The following SLC35F5 variants were observed in gnomAD, a reference collection of about 807,000 sequenced individuals.
The protein encoded by SLC35F5 is HCV NS5A-transactivated protein 3.
In SLC35F5, 54 loss-of-function variants were observed where a neutral mutation model predicts 68.6. The ratio of observed to expected loss-of-function variants is 0.79; its 90% CI spans 0.63 to 0.99. The LOEUF is 0.99. Among genes scored for constraint, SLC35F5 ranks in the 50% least tolerant of loss-of-function variants. The pLI is 0.00. For missense variants in SLC35F5, 567 were observed against 626.9 expected (o/e 0.90, Z 1.02); for synonymous variants, 211 against 205.2 (o/e 1.03, Z -0.24).
rs761464440 is a variant in SLC35F5, at chr2:113,736,442, C to CAA, written c.751-586_751-585dup. Among the ~76,000 whole-genome samples, 1,043 of 146,872 alleles carry CAA rather than the reference C, an allele frequency of 7.1e-3. 13 individuals are homozygous for CAA. The highest frequency in any genetic ancestry group is 0.022 in the African/African-American group (869 of 39,982). ...CCTAGGTGACAGAGAGACCATTTCT[C>CAA]AAAAAATAAAAAAATCGCTTTATCT... is the stretch of plus-strand genomic sequence containing the variant. On this transcript the variant is annotated intron_variant, in intron 7 of 15. Coordinates refer to ENST00000245680, the MANE Select transcript of SLC35F5 (RefSeq NM_025181.5).
Position 113,713,237 on chromosome 2 carries a change from CAG to C in SLC35F5, c.*1979_*1980del, listed in dbSNP as rs1687055367. 1 of 152,102 alleles carries C rather than the reference CAG, an allele frequency of 6.6e-6. No individual in the cohort carries two copies. Among genetic ancestry groups the C allele is most frequent in the African/African-American group, 2.4e-5 (1 of 41,418 alleles). 9.4% of individuals were successfully genotyped at this position (152,102 alleles called of 1,614,324 possible). On this transcript the variant is annotated 3_prime_UTR_variant, in exon 16 of 16. Coordinates refer to ENST00000245680, the MANE Select transcript of SLC35F5 (RefSeq NM_025181.5). The stretch of plus-strand genomic sequence containing the variant: ...TCATTGATTTTTGTTTTTTAAGAAA[CAG>C]AAAAGCAGCAGTATAATGAAAGAAG...
At position 113,756,603 on chromosome 2, in the gene SLC35F5, G is replaced by A; in HGVS notation, c.-194C>T. The A allele has an allele frequency of 7.2e-7, 1 of 1,390,926 alleles. No individual in the cohort carries two copies. The highest frequency in any genetic ancestry group is 1.5e-5 in the South Asian group (1 of 66,252). 86.2% of individuals were successfully genotyped at this position (1,390,926 alleles called of 1,614,324 possible). A position where few individuals can be genotyped will look rare whatever the true frequency, so the allele number is the denominator to read the frequency against. On this transcript the variant is annotated 5_prime_UTR_variant, in exon 1 of 16. Coordinates refer to ENST00000245680, the MANE Select transcript of SLC35F5 (RefSeq NM_025181.5). The stretch of plus-strand genomic sequence containing the variant: ...GGGCGTGGAGCGGGTGAGGGGAAGG[G>A]ACGGCACAGTCAGCTATGGCCGCGG...
At position 113,725,505 on chromosome 2, in the gene SLC35F5, A is replaced by T; in HGVS notation, c.1123T>A (p.Trp375Arg). 6.3e-7 allele frequency: 1 copy of T among 1,598,026 alleles called. No homozygotes were observed. Among genetic ancestry groups the T allele is most frequent in the Admixed American group, 1.8e-5 (1 of 54,358 alleles). Residue 375 changes from tryptophan to arginine, a missense_variant, in exon 12 of 16, where the codon TGG becomes AGG. By Grantham distance (101) the Trp-to-Arg change is moderately radical (BLOSUM62 -3). Transcript: ENST00000245680. ...FVGLFNLLLL[W>R]PGFFLLHYTG... ...TAATGAAGTAAAAAGAAACCTGGCC[A>T]TAAGAGCAGCAGATTAAACAAACCT... is the stretch of plus-strand genomic sequence containing the variant.
rs755936736 is a variant in SLC35F5, at chr2:113,755,300, T to C, written c.138A>G (p.Gln46=). The C allele has an allele frequency of 6.2e-6, 10 of 1,613,958 alleles. No individual in the cohort carries two copies. The highest frequency in any genetic ancestry group is 6.8e-6 in the Non-Finnish European group (8 of 1,179,884). The change falls in exon 3 of 16, where the codon CAA becomes CAG. Residue 46 remains glutamine, a synonymous_variant. Coordinates refer to ENST00000245680, the MANE Select transcript of SLC35F5 (RefSeq NM_025181.5). Reference sequence around the variant, plus strand: ...GGTTCATGACAAATACACACACCATTTGCAGTCTGTTTTTTAGAAAATACA... The same window carrying C: ...GGTTCATGACAAATACACACACCATCTGCAGTCTGTTTTTTAGAAAATACA... The part of the protein sequence containing the change: ...DLRRALKTRL[Q]MVCVFVMNRM...
At chr2:113,754,548 G>C (rs13389454) in intron 3 of SLC35F5, among the ~76,000 whole-genome samples, 38,567 of 151,960 alleles carry the variant, frequency 0.25, 5,134 homozygotes, top group Non-Finnish European at 0.27. Flanking sequence ...TATACAAGTA[G>C]AAAGAAAAAC....
rs1170600647 is a variant in SLC35F5 at position 113,707,804 on chromosome 2, A to G, written c.*7414T>C. Among the ~76,000 whole-genome samples the G allele has an allele frequency of 1.3e-5, 2 of 151,894 alleles. No individual in the cohort carries two copies. Among genetic ancestry groups the G allele is most frequent in the East Asian group, 3.9e-4 (2 of 5,170 alleles). ...TTGAACTCCTAATCTCAGGTGATCC[A>G]CCCGCCTCGGACTCCCAAAGTGCTG... is the stretch of plus-strand genomic sequence containing the variant. On this transcript the variant is annotated 3_prime_UTR_variant, in exon 16 of 16. Coordinates refer to ENST00000245680, the MANE Select transcript of SLC35F5 (RefSeq NM_025181.5).
At chr2:113,719,534 G>C (rs1221393785) in intron 13 of SLC35F5, 4 of 365,486 alleles carry the variant, frequency 1.1e-5, no homozygotes, top group African/African-American at 8.5e-5. Flanking sequence ...TTCTTGCTTG[G>C]AAAATAGGCT....
chr2:113,750,705 GTAT>G, intron 3 of SLC35F5, 137 bp from the exon 4 acceptor site: 1 of 707,956 alleles, frequency 1.4e-6, no homozygotes, highest in East Asian at 3.1e-5. Context: ...GATTACAAAA[GTAT>G]TTTAGATCCA....
rs979927140 is a variant in SLC35F5, at chr2:113,709,279, G to A, written c.*5939C>T. On this transcript the variant is annotated 3_prime_UTR_variant, in exon 16 of 16. Transcript: ENST00000245680. ...ACTACAAAACTACGGCCTATGTGGT[G>A]TCACTGTTATTACCACTCTTTACAA... 6.6e-6 allele frequency among the ~76,000 whole-genome samples: 1 copy of A among 152,138 alleles called. No individual in the cohort carries two copies. The highest frequency in any genetic ancestry group is 2.4e-5 in the African/African-American group (1 of 41,400).
At chr2:113,743,612 G>T in intron 6 of SLC35F5, 101 bp downstream of exon 6, 1 of 820,214 alleles carries the variant, frequency 1.2e-6, no homozygotes, top group South Asian at 1.9e-5. Flanking sequence ...AGACCACATG[G>T]AGCAGAACTG....
intron 11 of SLC35F5, 152 bp from the exon 12 acceptor site, chr2:113,725,689 T>C: frequency 1.6e-6 from 1 of 615,672 alleles, no homozygotes. Flanking sequence ...AAGTCAGTCC[T>C]GTGAATAGCT....
chr2:113,727,588 C>T (rs954585673), intron 11 of SLC35F5, among the ~76,000 whole-genome samples: 1 of 152,116 alleles, frequency 6.6e-6, no homozygotes, highest in Non-Finnish European at 1.5e-5. Flanking sequence ...CAGAATCTGG[C>T]GCCACATGCC....
chr2:113,756,326 G>A, intron 1 of SLC35F5, 44 bp downstream of exon 1: 2 of 1,556,658 alleles, frequency 1.3e-6, no homozygotes, highest in Admixed American at 1.9e-5. Context: ...ACTCCGTCCC[G>A]GTTTGGGCTC....
chr2:113,719,232 T>G lies in SLC35F5; in HGVS notation c.1418A>C (p.His473Pro). The change falls in exon 14 of 16, where the codon CAT becomes CCT. Residue 473 changes from histidine (H) to proline (P), a missense_variant. His to Pro is a moderately conservative substitution (Grantham distance 77). Coordinates refer to ENST00000245680, the MANE Select transcript of SLC35F5 (RefSeq NM_025181.5). ...FSFFIVTLLC[H>P]YNNWDPVMVG... ...CATCACAGGATCCCAATTATTATAA[T>G]GGCATAGGAGAGTTACAATAAAAAA... 6.2e-7 allele frequency: 1 copy of G among 1,606,950 alleles called. No individual in the cohort carries two copies. The highest frequency in any genetic ancestry group is 1.1e-5 in the South Asian group (1 of 89,900).
At chr2:113,717,170 C>T (rs1348420538) in intron 15 of SLC35F5, among the ~76,000 whole-genome samples, 1 of 151,942 alleles carries the variant, frequency 6.6e-6, no homozygotes, top group Non-Finnish European at 1.5e-5. Context: ...ACTCTATCAT[C>T]GAAGACATAT....
chr2:113,704,860 A>G (rs922873454), downstream of SLC35F5, among the ~76,000 whole-genome samples: 15 of 152,104 alleles, frequency 9.9e-5, no homozygotes, highest in Non-Finnish European at 1.9e-4. Flanking sequence ...CCCACAGTGC[A>G]GCGGCGGGCT....
chr2:113,716,802 A>C (rs555244052), intron 15 of SLC35F5, among the ~76,000 whole-genome samples: 250 of 152,332 alleles, frequency 1.6e-3, no homozygotes, highest in African/African-American at 5.7e-3. Context: ...TAGAGCTCAA[A>C]CCATGTGCAG....
rs2104948330 is a variant in SLC35F5, at chr2:113,709,233, G to C, written c.*5985C>G. On this transcript the variant is annotated 3_prime_UTR_variant, in exon 16 of 16. Transcript: ENST00000245680. Reference sequence around the variant, plus strand: ...TTTACAAAGCACTAAGTACACACAGGTGTTTGGCATTGTCTCTGGAACTAC... The same window carrying C: ...TTTACAAAGCACTAAGTACACACAGCTGTTTGGCATTGTCTCTGGAACTAC... Among the ~76,000 whole-genome samples the C allele has an allele frequency of 6.6e-6, 1 of 150,790 alleles. No homozygotes were observed. The highest frequency in any genetic ancestry group is 2.4e-5 in the African/African-American group (1 of 40,846).
downstream of SLC35F5, among the ~76,000 whole-genome samples, chr2:113,704,713 G>A (rs554189175): frequency 1.2e-4 from 18 of 151,822 alleles, no homozygotes; most frequent in East Asian, 2.2e-3. Context: ...GGGGCCCGCC[G>A]AGCCCACACC....
Sources: gnomAD v4.1 joint callset for allele counts (sites outside exome capture counted in the v4.1 genomes callset) on GRCh38, gnomAD v4.1.1 for gene constraint, MANE v1.5 for transcripts, NCBI Gene and HGNC (gene_info 2026-07-23, HGNC 2026-07-21) for gene names.